The following CENPF variants were observed in gnomAD, a reference collection of about 807,000 sequenced individuals.
CENPF encodes the protein AH antigen.
Under a neutral mutation model 307.3 loss-of-function variants are expected in CENPF, and 214 were observed. The observed-to-expected ratio is 0.70, with a 90% CI of 0.62 to 0.78. The LOEUF (loss-of-function observed/expected upper bound fraction) is 0.78, where lower values mean the gene tolerates loss of function less well. CENPF is among the 30% of genes least tolerant of loss of function. CENPF has a pLI of 0.00. For missense variants in CENPF, 3,401 were observed against 3,483.9 expected (o/e 0.98, Z 0.60); for synonymous variants, 1,259 against 1,270.6 (o/e 0.99, Z 0.19).
rs3795522 is a variant in CENPF at position 214,640,782 on chromosome 1, G to A, written c.2444G>A (p.Arg815His). The change falls in exon 12 of 20, where the codon CGT becomes CAT. Residue 815 changes from arginine to histidine, a missense_variant. By Grantham distance (29) the Arg-to-His change is conservative (BLOSUM62 0). Coordinates refer to ENST00000366955, the MANE Select transcript of CENPF (RefSeq NM_016343.4). Reference protein sequence around the residue: ...GSMPSERSECRLEADQSPKNS... With the variant: ...GSMPSERSECHLEADQSPKNS... ...ATGCCTTCAGAGAGGAGTGAATGTC[G>A]TTTAGAAGCAGACCAAAGTCCGAAA... is the stretch of plus-strand genomic sequence containing the variant. The A allele has an allele frequency of 0.063, 101,317 of 1,611,028 alleles. 4,138 individuals carry two copies. Among genetic ancestry groups the A allele is most frequent in the South Asian group, 0.15 (13,122 of 90,340 alleles).
At chr1:214,608,594 G>C (rs1390679210) in intron 1 of CENPF, 6 of 1,608,826 alleles carry the variant, frequency 3.7e-6, no homozygotes, top group Non-Finnish European at 5.1e-6. Flanking sequence ...ATGGTGTCCA[G>C]CTCGCGCTGG....
At chr1:214,651,910 G>A (rs978788987) in intron 15 of CENPF, 24 bp downstream of exon 15, 11 of 1,573,058 alleles carry the variant, frequency 7.0e-6, no homozygotes, top group East Asian at 2.2e-5. Flanking sequence ...TTTGGTTACT[G>A]GGGGAGCTGG....
chr1:214,655,796 G>T (rs1658615949), intron 17 of CENPF, among the ~76,000 whole-genome samples: 1 of 152,102 alleles, frequency 6.6e-6, no homozygotes, highest in Non-Finnish European at 1.5e-5. Context: ...TTGCCATGTT[G>T]CCCAGGCTGG....
intron 15 of CENPF, 63 bp from the exon 16 acceptor site, chr1:214,652,765 T>G (rs1412349659): frequency 1.8e-5 from 25 of 1,425,768 alleles, no homozygotes; most frequent in African/African-American, 2.9e-5. Flanking sequence ...TCTGACTATT[T>G]TTTTTTAGCT....
chr1:214,640,955 A>T lies in CENPF; in HGVS notation c.2617A>T (p.Met873Leu), dbSNP rs371370612. The T allele has an allele frequency of 6.2e-7, 1 of 1,605,678 alleles. No individual in the cohort carries two copies. The highest frequency in any genetic ancestry group is 1.3e-5 in the African/African-American group (1 of 74,272). The change falls in exon 12 of 20, where the codon ATG (methionine) becomes TTG (leucine). Residue 873 changes from methionine to leucine, a missense_variant. By Grantham distance (15) the Met-to-Leu change is conservative. Coordinates refer to ENST00000366955, the MANE Select transcript of CENPF (RefSeq NM_016343.4). ...AGAAAATCTCATGAAAGCAGAACAG[A>T]TGCATCAAAGTTTTGTGGCTGAAAC... Reference protein sequence around the residue: ...IEENLMKAEQMHQSFVAETSQ... With the variant: ...IEENLMKAEQLHQSFVAETSQ...
At chr1:214,654,288 C>G (rs1329638241) in intron 16 of CENPF, 1 of 152,048 alleles carries the variant, frequency 6.6e-6, no homozygotes, top group African/African-American at 2.4e-5. Flanking sequence ...ACTATATATA[C>G]TGGGCCAGGT....
At chr1:214,655,195 TA>T in intron 16 of CENPF, 45 bp from the exon 17 acceptor site, 1 of 1,303,924 alleles carries the variant, frequency 7.7e-7, no homozygotes, top group Non-Finnish European at 1.0e-6. Flanking sequence ...CATATGCTTA[TA>T]AAAAGAAATT....
intron 11 of CENPF, among the ~76,000 whole-genome samples, chr1:214,638,509 T>A (rs1017326974): frequency 6.6e-6 from 1 of 152,250 alleles, no homozygotes; most frequent in Admixed American, 6.5e-5. Context: ...GCTCTACACA[T>A]CAAATGAATC....
intron 17 of CENPF, 94 bp from the exon 18 acceptor site, chr1:214,656,839 G>T: frequency 1.2e-6 from 1 of 858,128 alleles, no homozygotes; most frequent in Non-Finnish European, 1.8e-6. Flanking sequence ...AAAAATCAAA[G>T]AAAGAACACG....
In CENPF at chr1:214,608,905, C is replaced by G. The variant is rs1407916076; in HGVS notation, c.-41-4809C>G. On this transcript the variant is annotated intron_variant, in intron 1 of 19. Coordinates refer to ENST00000366955, the MANE Select transcript of CENPF (RefSeq NM_016343.4). The stretch of plus-strand genomic sequence containing the variant: ...GCCAACAACGCCGCCCGGCCTGGCC[C>G]GGCAGGGGAGGGGTGGGGGTGCTCC... The G allele has an allele frequency of 1.8e-5, 23 of 1,266,610 alleles. No individual in the cohort carries two copies. In the Admixed American group the frequency reaches 4.5e-4, roughly 25 times the overall value. The allele number at this position is 1,266,610 out of a possible 1,614,324, so 78.5% of individuals were successfully genotyped here.
intron 10 of CENPF, among the ~76,000 whole-genome samples, chr1:214,635,776 T>C (rs187842327): frequency 1.2e-3 from 179 of 152,296 alleles, no homozygotes; most frequent in African/African-American, 4.2e-3. Context: ...AATCTTTCCA[T>C]TGAGCTTACT....
In CENPF at chr1:214,652,632, CAG is replaced by C. The variant is rs143935764; in HGVS notation, c.8161-195_8161-194del. 0.38 allele frequency among the ~76,000 whole-genome samples: 56,740 copies of C among 150,426 alleles called. 11,403 individuals are homozygous for C. The highest frequency in any genetic ancestry group is 0.47 in the Non-Finnish European group (31,601 of 67,522). The stretch of plus-strand genomic sequence containing the variant: ...CTAATTTTTGTATTTTTAGTAGAGA[CAG>C]GGGTTTCACCATGTTGGCCAGGATG... On this transcript the variant is annotated intron_variant, in intron 15 of 19. Coordinates refer to ENST00000366955, the MANE Select transcript of CENPF (RefSeq NM_016343.4).
At chr1:214,622,355 C>T in intron 7 of CENPF, 74 bp downstream of exon 7, 3 of 1,211,336 alleles carry the variant, frequency 2.5e-6, no homozygotes, top group Non-Finnish European at 3.5e-6. Context: ...GTATTTTATA[C>T]ATAAGTTTAT....
chr1:214,652,240 T>A (rs991478590), intron 15 of CENPF, among the ~76,000 whole-genome samples: 13 of 151,140 alleles, frequency 8.6e-5, no homozygotes, highest in Non-Finnish European at 1.6e-4. Flanking sequence ...TTTCACTGTG[T>A]TAGCCAGGAT....
chr1:214,608,669 C>T (rs1246046721), intron 1 of CENPF: 3 of 1,599,054 alleles, frequency 1.9e-6, no homozygotes, highest in Non-Finnish European at 1.7e-6. Context: ...CCCGAGGAGG[C>T]CCGCAGGGTC....
intron 10 of CENPF, among the ~76,000 whole-genome samples, chr1:214,635,819 A>G (rs1657950907): frequency 6.6e-6 from 1 of 152,164 alleles, no homozygotes; most frequent in Non-Finnish European, 1.5e-5. Context: ...ATGGACAGAC[A>G]TGGATCGAGA....
Position 214,645,960 on chromosome 1 carries a change from C to T in CENPF, c.6390C>T (p.Ala2130=), listed in dbSNP as rs200126499. The T allele has an allele frequency of 9.3e-6, 15 of 1,613,844 alleles. No homozygotes were observed. The highest frequency in any genetic ancestry group is 4.5e-5 in the East Asian group (2 of 44,840). ...GIEKLRVRIE[A]DEKKQLHIAE... ...AGAAACTGAGAGTTCGCATTGAGGC[C>T]GATGAAAAGAAGCAGCTGCACATCG... Residue 2130 remains alanine, a synonymous_variant, in exon 13 of 20, where the codon GCC becomes GCT. Transcript: ENST00000366955.
chr1:214,653,036 G>A (rs374763426), intron 16 of CENPF, 47 bp downstream of exon 16: 7 of 1,519,048 alleles, frequency 4.6e-6, no homozygotes, highest in Non-Finnish European at 6.4e-6. Context: ...GTTTATACAG[G>A]TGGTAGTGAT....
At chr1:214,647,491 T>C in intron 13 of CENPF, 91 bp downstream of exon 13, 2 of 1,399,930 alleles carry the variant, frequency 1.4e-6, no homozygotes, top group South Asian at 3.0e-5. Context: ...TATTTACTTC[T>C]AGACCGTGTC....
Sources: gnomAD v4.1 joint callset for allele counts (sites outside exome capture counted in the v4.1 genomes callset) on GRCh38, gnomAD v4.1.1 for gene constraint, MANE v1.5 for transcripts, NCBI Gene and HGNC (gene_info 2026-07-23, HGNC 2026-07-21) for gene names.